Variants in FNDC3B observed in about 807,000 individuals in gnomAD.
FNDC3B encodes the protein fibronectin type III domain containing 3B.
Under a neutral mutation model 151.5 loss-of-function variants are expected in FNDC3B, and 12 were observed. The ratio of observed to expected loss-of-function variants is 0.08; its 90% CI spans 0.05 to 0.13. The LOEUF (loss-of-function observed/expected upper bound fraction) is 0.13. Among genes scored for constraint, FNDC3B ranks in the 10% least tolerant of loss-of-function variants. The probability of loss-of-function intolerance (pLI) is 1.00; values close to 1 mark genes in which losing one functional copy is unlikely to be tolerated. For missense variants in FNDC3B, 1,214 were observed against 1,505.3 expected (o/e 0.81, Z 3.20); for synonymous variants, 528 against 549.0 (o/e 0.96, Z 0.54).
chr3:172,075,147 C>T (rs1270022820), intron 1 of FNDC3B, among the ~76,000 whole-genome samples: 2 of 152,028 alleles, frequency 1.3e-5, no homozygotes, highest in African/African-American at 4.8e-5. Flanking sequence ...TCCTTATTAT[C>T]TTTTTATCTT....
At chr3:172,310,749 T>C in intron 10 of FNDC3B, 79 bp from the exon 11 acceptor site, 1 of 1,002,306 alleles carries the variant, frequency 1.0e-6, no homozygotes, top group Non-Finnish European at 1.6e-6. Flanking sequence ...TCATAGACAC[T>C]GTATGTGAGC....
chr3:172,139,645 A>G (rs1312966142), intron 3 of FNDC3B, among the ~76,000 whole-genome samples: 1 of 152,156 alleles, frequency 6.6e-6, no homozygotes, highest in Non-Finnish European at 1.5e-5. Context: ...TTGTTATTTG[A>G]CTATTTGTAA....
At chr3:172,126,900 G>A in intron 2 of FNDC3B, 1 of 373,602 alleles carries the variant, frequency 2.7e-6, no homozygotes, top group Non-Finnish European at 5.4e-6. Flanking sequence ...TAGATGTAAA[G>A]GGCTTAGATT....
intron 11 of FNDC3B, among the ~76,000 whole-genome samples, chr3:172,320,210 T>A (rs1732013373): frequency 6.6e-6 from 1 of 151,868 alleles, no homozygotes; most frequent in African/African-American, 2.4e-5. Context: ...TGAAACCCTG[T>A]CTCTACTAAA....
chr3:172,123,476 A>G (rs1295506152), intron 2 of FNDC3B, among the ~76,000 whole-genome samples: 1 of 152,014 alleles, frequency 6.6e-6, no homozygotes, highest in Non-Finnish European at 1.5e-5. Flanking sequence ...AGCAGTAGTC[A>G]GAAACATTAA....
chr3:172,169,393 C>T (rs779384247), intron 3 of FNDC3B, among the ~76,000 whole-genome samples: 2 of 152,178 alleles, frequency 1.3e-5, no homozygotes, highest in African/African-American at 4.8e-5. Context: ...GTGGAGGCAT[C>T]GGACAGTGTA....
At chr3:172,297,691 G>T (rs368185746) in intron 8 of FNDC3B, among the ~76,000 whole-genome samples, 7 of 152,002 alleles carry the variant, frequency 4.6e-5, no homozygotes, top group South Asian at 2.1e-4. Context: ...AGCCAGGATG[G>T]TCTCGATCTC....
intron 8 of FNDC3B, among the ~76,000 whole-genome samples, chr3:172,298,028 A>C (rs1404388501): frequency 4.6e-5 from 7 of 152,306 alleles, no homozygotes; most frequent in African/African-American, 1.4e-4. Flanking sequence ...CAGTACCTTT[A>C]GTTGTCATGT....
At chr3:172,364,782 G>C (rs1390814830) in intron 23 of FNDC3B, among the ~76,000 whole-genome samples, 2 of 152,186 alleles carry the variant, frequency 1.3e-5, no homozygotes, top group African/African-American at 2.4e-5. Flanking sequence ...AAAGCCCAAG[G>C]CTTGCCTAAT....
In FNDC3B at chr3:172,340,840, C is replaced by T. The variant is rs548554453; in HGVS notation, c.1853-273C>T. 7.2e-5 allele frequency among the ~76,000 whole-genome samples: 11 copies of T among 152,284 alleles called. No homozygotes were observed. In the South Asian group the frequency reaches 8.3e-4, roughly 11 times the overall value. On this transcript the variant is annotated intron_variant, in intron 16 of 25. Transcript: ENST00000415807. ...TACCACTCCCTCCATGCCAGCGGCA[C>T]GTTTCATTATGGTTTCCCACATCCA...
rs1441698169 is a variant in FNDC3B, at chr3:172,239,942, C to T, written c.265-7591C>T. 3.9e-5 allele frequency among the ~76,000 whole-genome samples: 5 copies of T among 129,456 alleles called. No individual in the cohort carries two copies. In the South Asian group the frequency reaches 1.3e-3, roughly 33 times the overall value. 84.9% of individuals were successfully genotyped at this position (129,456 alleles called of 152,430 possible). On this transcript the variant is annotated intron_variant, in intron 4 of 25. Coordinates refer to ENST00000415807, the MANE Select transcript of FNDC3B (RefSeq NM_022763.4). ...GGAATGCAGTGACGCGATCTTGGCT[C>T]ACTGCAAGCTCCGCCTCCTGGGTTC... is the stretch of plus-strand genomic sequence containing the variant.
chr3:172,257,205 C>T (rs938357127), intron 6 of FNDC3B, among the ~76,000 whole-genome samples: 2 of 152,202 alleles, frequency 1.3e-5, no homozygotes, highest in Non-Finnish European at 2.9e-5. Flanking sequence ...GCCACTGCGC[C>T]TGGCCTCCAA....
intron 1 of FNDC3B, among the ~76,000 whole-genome samples, chr3:172,063,899 T>G (rs1411501942): frequency 1.3e-5 from 2 of 152,128 alleles, no homozygotes; most frequent in Non-Finnish European, 2.9e-5. Flanking sequence ...AACCCCCAAG[T>G]TGATGGTGTT....
At chr3:172,392,160 A>G (rs1736043289) in intron 25 of FNDC3B, among the ~76,000 whole-genome samples, 1 of 152,108 alleles carries the variant, frequency 6.6e-6, no homozygotes, top group Non-Finnish European at 1.5e-5. Flanking sequence ...TCATTATTGG[A>G]ACTGTGAGCA....
At chr3:172,348,172 C>T (rs1383348324) in intron 21 of FNDC3B, among the ~76,000 whole-genome samples, 2 of 152,196 alleles carry the variant, frequency 1.3e-5, no homozygotes, top group African/African-American at 4.8e-5. Flanking sequence ...TCTTCATACA[C>T]ATTTAGATTT....
chr3:172,184,221 T>G (rs539219596), intron 3 of FNDC3B: 3 of 152,330 alleles, frequency 2.0e-5, no homozygotes, highest in African/African-American at 7.2e-5. Flanking sequence ...TCTTGTACCC[T>G]TTTACTCTTG....
At chr3:172,225,705 T>G (rs974652369) in intron 3 of FNDC3B, 1 of 190,396 alleles carries the variant, frequency 5.3e-6, no homozygotes, top group African/African-American at 2.3e-5. Context: ...GAATGTGTAG[T>G]TAGAGTATGT....
chr3:172,112,519 G>T lies in FNDC3B; in HGVS notation c.40G>T (p.Glu14Ter), dbSNP rs1427647156. Reference sequence around the variant, plus strand: ...GATGATGACCGACCAAATCCCTCTGGAACTGCCACCATTGCTGAACGGAGA... The same window carrying T: ...GATGATGACCGACCAAATCCCTCTGTAACTGCCACCATTGCTGAACGGAGA... ...TMMMTDQIPL[E>*]LPPLLNGEVA... is the part of the protein sequence containing the mutation. The change falls in exon 2 of 26, where the codon GAA becomes TAA. Residue 14 changes from glutamate to a stop codon, truncating the protein, a stop_gained. Coordinates refer to ENST00000415807, the MANE Select transcript of FNDC3B (RefSeq NM_022763.4). LOFTEE classifies it high-confidence loss of function. The T allele has an allele frequency of 6.2e-7, 1 of 1,614,148 alleles. No individual in the cohort carries two copies. The highest frequency in any genetic ancestry group is 8.5e-7 in the Non-Finnish European group (1 of 1,180,002).
intron 1 of FNDC3B, among the ~76,000 whole-genome samples, chr3:172,073,812 A>G (rs368685539): frequency 1.3e-5 from 2 of 151,908 alleles, no homozygotes; most frequent in Non-Finnish European, 2.9e-5. Context: ...CAATGGGTGC[A>G]TGATTTTGTA....
Sources: gnomAD v4.1 joint callset for allele counts (sites outside exome capture counted in the v4.1 genomes callset) on GRCh38, gnomAD v4.1.1 for gene constraint, MANE v1.5 for transcripts, NCBI Gene and HGNC (gene_info 2026-07-23, HGNC 2026-07-21) for gene names.